Variants in IQCK observed in about 807,000 individuals in gnomAD.
IQCK encodes IQ motif containing K.
Under a neutral mutation model 28.1 loss-of-function variants are expected in IQCK, and 29 were observed. The observed-to-expected ratio is 1.03, with a 90% CI of 0.77 to 1.41. IQCK has a LOEUF of 1.41. Ranked by LOEUF, IQCK falls within the 40% of genes most tolerant of loss-of-function variation. The pLI is 0.00. For synonymous variants in IQCK, 113 were observed against 115.1 expected, an observed-to-expected ratio of 0.98 and a Z score of 0.12; for missense variants, 359 against 314.7, an observed-to-expected ratio of 1.14 and a Z score of -1.07.
intron 4 of IQCK, among the ~76,000 whole-genome samples, chr16:19,747,781 C>T (rs145347007): frequency 2.1e-3 from 327 of 152,178 alleles, no homozygotes; most frequent in Admixed American, 4.4e-3. Flanking sequence ...TAAGATAATG[C>T]CCCCCAGTTC....
chr16:19,845,543 G>T (rs1327032078), intron 9 of IQCK, among the ~76,000 whole-genome samples: 2 of 152,150 alleles, frequency 1.3e-5, no homozygotes, highest in Non-Finnish European at 2.9e-5. Context: ...ACCAGATGGT[G>T]GCTGTTTAAA....
chr16:19,809,436 C>T (rs779287455), intron 7 of IQCK, among the ~76,000 whole-genome samples: 1 of 152,162 alleles, frequency 6.6e-6, no homozygotes, highest in Non-Finnish European at 1.5e-5. Flanking sequence ...GTGCTGGCTG[C>T]TGGCTGGGGC....
At chr16:19,817,971 G>A (rs373573920) in intron 7 of IQCK, among the ~76,000 whole-genome samples, 1 of 152,198 alleles carries the variant, frequency 6.6e-6, no homozygotes, top group African/African-American at 2.4e-5. Flanking sequence ...CAGAAGATCC[G>A]TTGGGTTTAT....
At chr16:19,842,321 T>C (rs1167809721) in intron 9 of IQCK, among the ~76,000 whole-genome samples, 1 of 152,238 alleles carries the variant, frequency 6.6e-6, no homozygotes, top group Non-Finnish European at 1.5e-5. Flanking sequence ...GAGATGTGTT[T>C]GTGCATTGTA....
In IQCK at chr16:19,746,174, G is replaced by A. The variant is rs796758666; in HGVS notation, c.474+10724G>A. Among the ~76,000 whole-genome samples the A allele has an allele frequency of 2.2e-3, 275 of 124,736 alleles. 2 individuals are homozygous for A. The highest frequency in any genetic ancestry group is 0.011 in the African/African-American group (248 of 22,864). The allele number at this position is 124,736 out of a possible 152,430, so 81.8% of individuals were successfully genotyped here. A position where few individuals can be genotyped will look rare whatever the true frequency, so the allele number is the denominator to read the frequency against. ...GTCTCAAAAAAAAAAAAAAAAAAAA[G>A]AGTCTAGCTTCATTTCTTTTTTTTT... On this transcript the variant is annotated intron_variant, in intron 4 of 7. Transcript: ENST00000564186.
Position 19,763,891 on chromosome 16 carries a change from G to A in IQCK, c.518G>A (p.Trp173Ter). Residue 173 changes from tryptophan to a stop codon, truncating the protein, a stop_gained, in exon 5 of 8, where the codon TGG becomes TAG. Coordinates refer to ENST00000564186, the Ensembl canonical transcript of IQCK. LOFTEE classifies it high-confidence loss of function. ...ATTGCCTGTGATTTTCTGACTGAGTGGTTATACAAGTAAGTTGTTCGTGTC... is the reference window on the plus strand; with the variant it reads ...ATTGCCTGTGATTTTCTGACTGAGTAGTTATACAAGTAAGTTGTTCGTGTC... 1 of 1,613,662 alleles carries A rather than the reference G, an allele frequency of 6.2e-7. No homozygotes were observed. The highest frequency in any genetic ancestry group is 8.5e-7 in the Non-Finnish European group (1 of 1,179,544).
chr16:19,831,623 G>T (rs1378643791), downstream of IQCK, among the ~76,000 whole-genome samples: 2 of 151,388 alleles, frequency 1.3e-5, no homozygotes, highest in African/African-American at 2.4e-5. Flanking sequence ...AAAAATAGTG[G>T]AGTGATTGCA....
At chr16:19,830,532 C>A (rs1241149162), downstream of IQCK, among the ~76,000 whole-genome samples, 1 of 152,176 alleles carries the variant, frequency 6.6e-6, no homozygotes, top group Admixed American at 6.6e-5. Flanking sequence ...TCAGTAAATA[C>A]CCCAGTGTGA....
chr16:19,722,657 A>G (rs1411613734), intron 1 of IQCK, among the ~76,000 whole-genome samples: 2 of 150,970 alleles, frequency 1.3e-5, no homozygotes, highest in African/African-American at 4.9e-5. Flanking sequence ...GACGCCAACA[A>G]CTTATCTCCA....
chr16:19,774,187 C>A (rs1350020227), intron 6 of IQCK, among the ~76,000 whole-genome samples: 1 of 152,072 alleles, frequency 6.6e-6, no homozygotes, highest in African/African-American at 2.4e-5. Context: ...GCGTTCTAAA[C>A]CCAGCTCCAC....
chr16:19,718,714 C>T (rs1449384731), intron 1 of IQCK, among the ~76,000 whole-genome samples: 1 of 152,024 alleles, frequency 6.6e-6, no homozygotes, highest in Non-Finnish European at 1.5e-5. Flanking sequence ...AGGTTAAAGG[C>T]AAGGGAACGG....
intron 9 of IQCK, among the ~76,000 whole-genome samples, chr16:19,833,949 G>A (rs115690553): frequency 7.5e-4 from 114 of 152,142 alleles, no homozygotes; most frequent in African/African-American, 2.2e-3. Flanking sequence ...TTAGCCAGGC[G>A]TGCTAGCACA....
At chr16:19,770,692 G>A (rs1016410989) in intron 6 of IQCK, among the ~76,000 whole-genome samples, 2 of 151,982 alleles carry the variant, frequency 1.3e-5, no homozygotes, top group East Asian at 1.9e-4. Flanking sequence ...GTGAAATCTC[G>A]GCTCACTGCA....
intron 4 of IQCK, among the ~76,000 whole-genome samples, chr16:19,739,049 C>T (rs183126825): frequency 6.1e-4 from 93 of 152,308 alleles, no homozygotes; most frequent in African/African-American, 2.0e-3. Flanking sequence ...TCAGCTGTGG[C>T]TCTCAGCTTG....
intron 6 of IQCK, chr16:19,766,106 A>G (rs2055233238): frequency 1.3e-5 from 2 of 152,230 alleles, no homozygotes; most frequent in African/African-American, 4.8e-5. Context: ...TATATTCTCT[A>G]CATCCATGAC....
At chr16:19,783,605 G>A (rs2151728775) in intron 6 of IQCK, among the ~76,000 whole-genome samples, 1 of 152,198 alleles carries the variant, frequency 6.6e-6, no homozygotes, top group Non-Finnish European at 1.5e-5. Context: ...GAGGGAAAAG[G>A]GCCTGGCGTG....
intron 4 of IQCK, among the ~76,000 whole-genome samples, chr16:19,746,190 C>CT (rs58032911): frequency 2.5e-4 from 33 of 132,224 alleles, no homozygotes; most frequent in Admixed American, 6.1e-4. Flanking sequence ...AGCTTCATTT[C>CT]TTTTTTTTTT....
At chr16:19,844,076 G>A (rs1230949166) in intron 9 of IQCK, among the ~76,000 whole-genome samples, 1 of 149,312 alleles carries the variant, frequency 6.7e-6, no homozygotes, top group East Asian at 1.9e-4. Flanking sequence ...GTACTCATAT[G>A]CTTGCTTTTT....
At chr16:19,850,956 G>T (rs1196845413) in intron 9 of IQCK, among the ~76,000 whole-genome samples, 1 of 152,180 alleles carries the variant, frequency 6.6e-6, no homozygotes, top group East Asian at 1.9e-4. Flanking sequence ...CCAGGAGGTT[G>T]AGACTGCAGT....
Sources: allele counts gnomAD v4.1 joint callset (sites outside exome capture counted in the v4.1 genomes callset), GRCh38; gene constraint gnomAD v4.1.1; transcripts MANE v1.5; gene names NCBI Gene and HGNC (gene_info 2026-07-23, HGNC 2026-07-21).